The following PI4KA variants were observed in gnomAD, a reference collection of about 807,000 sequenced individuals.
PI4KA encodes phosphatidylinositol 4-kinase alpha.
PI4KA carries 122 observed loss-of-function variants against 271.4 expected under a neutral mutation model. That is an observed-to-expected ratio of 0.45 (90% CI 0.39 to 0.52). PI4KA has a LOEUF of 0.52. Ranked by LOEUF, PI4KA falls within the 20% of genes least tolerant of loss-of-function variation. PI4KA has a pLI of 0.00. For synonymous variants in PI4KA, 1,041 were observed against 1,078.8 expected, an observed-to-expected ratio of 0.96 and a Z score of 0.69; for missense variants, 1,969 against 2,769.1, an observed-to-expected ratio of 0.71 and a Z score of 6.48.
intron 32 of PI4KA, among the ~76,000 whole-genome samples, chr22:20,740,828 C>G (rs1257335651): frequency 6.6e-6 from 1 of 152,066 alleles, no homozygotes; most frequent in Non-Finnish European, 1.5e-5. Context: ...AACAATAAAA[C>G]AAAAAACTAT....
At chr22:20,758,730 C>A (rs188602363) in intron 23 of PI4KA, among the ~76,000 whole-genome samples, 18 of 152,084 alleles carry the variant, frequency 1.2e-4, no homozygotes, top group African/African-American at 3.9e-4. Context: ...GTGTGAGACT[C>A]TCTGAATGTG....
intron 9 of PI4KA, among the ~76,000 whole-genome samples, chr22:20,808,398 C>T (rs1935791258): frequency 6.6e-6 from 1 of 151,232 alleles, no homozygotes; most frequent in South Asian, 2.1e-4. Context: ...TCAAGACCAG[C>T]CTGTCCAACA....
intron 32 of PI4KA, among the ~76,000 whole-genome samples, chr22:20,738,852 AC>A (rs1201263944): frequency 6.6e-6 from 1 of 152,080 alleles, no homozygotes; most frequent in South Asian, 2.1e-4. Context: ...AGCAGGAAGA[AC>A]CCATACTTCC....
At chr22:20,850,253 C>G (rs886343226) in intron 1 of PI4KA, among the ~76,000 whole-genome samples, 4 of 151,874 alleles carry the variant, frequency 2.6e-5, no homozygotes, top group African/African-American at 9.7e-5. Context: ...TCTAAACACT[C>G]AAGCCAGGCA....
intron 1 of PI4KA, among the ~76,000 whole-genome samples, chr22:20,843,276 G>A (rs1017736167): frequency 1.3e-5 from 2 of 152,156 alleles, no homozygotes; most frequent in Non-Finnish European, 2.9e-5. Flanking sequence ...GGCTGCTTGA[G>A]CCCAGGAGTT....
At position 20,845,958 on chromosome 22, in the gene PI4KA, G is replaced by T. The variant is rs150954254; in HGVS notation, c.157-7227C>A. ...AATTCAGCAAGGTTACAGGACACAA[G>T]ATTAAGATACGAAAATCAGCCGGGC... On this transcript the variant is annotated intron_variant, in intron 1 of 54. Transcript: ENST00000255882. 4.4e-3 allele frequency among the ~76,000 whole-genome samples: 667 copies of T among 152,256 alleles called. 4 individuals are homozygous for T. Among genetic ancestry groups the T allele is most frequent in the Middle Eastern group, 6.8e-3 (2 of 294 alleles).
intron 23 of PI4KA, among the ~76,000 whole-genome samples, 166 bp downstream of exon 23, chr22:20,761,138 C>G (rs557766963): frequency 6.6e-6 from 1 of 152,176 alleles, no homozygotes; most frequent in Non-Finnish European, 1.5e-5. Flanking sequence ...GCAGTAGAAC[C>G]ATTAAGGCGT....
chr22:20,726,512 A>G lies in PI4KA; in HGVS notation c.4971T>C (p.Ile1657=). ...CCTTGTCGTACCTGAGGGCCTGCAC[A>G]ATCTGGGGGATGTAGAAGAGGATGG... ...PDAILFYIPQ[I]VQALRYDKMG... The change falls in exon 42 of 55, where the codon ATT becomes ATC. Residue 1657 remains isoleucine, a synonymous_variant. Transcript: ENST00000255882. The G allele has an allele frequency of 1.3e-6, 2 of 1,578,694 alleles. No individual in the cohort carries two copies. Among genetic ancestry groups the G allele is most frequent in the Non-Finnish European group, 1.7e-6 (2 of 1,166,742 alleles).
chr22:20,709,769 C>T lies in PI4KA; in HGVS notation c.6173+139G>A, dbSNP rs28718601. The T allele has an allele frequency of 0.07, 29,320 of 417,084 alleles. 7,178 individuals are homozygous for T. The highest frequency in any genetic ancestry group is 0.14 in the Admixed American group (3,458 of 24,624). The allele number at this position is 417,084 out of a possible 1,614,324, so 25.8% of individuals were successfully genotyped here. A position where few individuals can be genotyped will look rare whatever the true frequency, so the allele number is the denominator to read the frequency against. On this transcript the variant is annotated intron_variant, in intron 53 of 54. Transcript: ENST00000255882. ...TGTGGTCTAGGGGCAGAGCCTCACC[C>T]AAGAACCCTGTCTGCTCTGAGGTTC...
chr22:20,714,601 G>A, intron 46 of PI4KA, 27 bp downstream of exon 46: 1 of 1,613,784 alleles, frequency 6.2e-7, no homozygotes, highest in Non-Finnish European at 8.5e-7. Context: ...GCGTGGAAGT[G>A]GGGGATGGGT....
At chr22:20,802,476 C>A (rs760319733) in intron 13 of PI4KA, among the ~76,000 whole-genome samples, 1 of 152,142 alleles carries the variant, frequency 6.6e-6, no homozygotes, top group Non-Finnish European at 1.5e-5. Flanking sequence ...GGGATGCTTG[C>A]GGGAGCAGGG....
At chr22:20,766,232 A>C (rs768090836) in intron 19 of PI4KA, among the ~76,000 whole-genome samples, 2 of 152,010 alleles carry the variant, frequency 1.3e-5, no homozygotes, top group Non-Finnish European at 2.9e-5. Context: ...CAAATTTTCC[A>C]AACAGTAATC....
At chr22:20,788,686 C>A in intron 19 of PI4KA, among the ~76,000 whole-genome samples, 1 of 152,190 alleles carries the variant, frequency 6.6e-6, no homozygotes, top group East Asian at 1.9e-4. Flanking sequence ...CCTGGTGAAC[C>A]CTGATGCTGC....
intron 1 of PI4KA, among the ~76,000 whole-genome samples, chr22:20,853,572 A>G (rs1259638569): frequency 6.6e-6 from 1 of 152,092 alleles, no homozygotes; most frequent in African/African-American, 2.4e-5. Context: ...AGGGCTGAGG[A>G]CTGGGTAGGA....
At chr22:20,853,864 C>T (rs1042562396) in intron 1 of PI4KA, among the ~76,000 whole-genome samples, 1 of 151,502 alleles carries the variant, frequency 6.6e-6, no homozygotes, top group Non-Finnish European at 1.5e-5. Flanking sequence ...CCCTTAAGCC[C>T]TGGAATTTGA....
chr22:20,779,869 T>C (rs1414484672), intron 19 of PI4KA: 1 of 1,614,226 alleles, frequency 6.2e-7, no homozygotes, highest in Non-Finnish European at 8.5e-7. Context: ...TTTAAAGACT[T>C]TGTTAATGCC....
intron 14 of PI4KA, among the ~76,000 whole-genome samples, chr22:20,800,860 C>T (rs1209544898): frequency 1.4e-5 from 2 of 141,928 alleles, no homozygotes; most frequent in East Asian, 4.2e-4. Flanking sequence ...GGCGACAAAG[C>T]AAGACTCTGT....
chr22:20,822,678 A>G (rs1014725530), intron 4 of PI4KA, among the ~76,000 whole-genome samples: 2 of 152,198 alleles, frequency 1.3e-5, no homozygotes, highest in African/African-American at 4.8e-5. Context: ...TTTGGCCCTC[A>G]GCCCATATAA....
At chr22:20,854,514 C>T (rs1207997109) in intron 1 of PI4KA, among the ~76,000 whole-genome samples, 1 of 151,922 alleles carries the variant, frequency 6.6e-6, no homozygotes, top group Non-Finnish European at 1.5e-5. Context: ...AGTAAGTAAA[C>T]ACAACTGTGG....
Sources: allele counts gnomAD v4.1 joint callset (sites outside exome capture counted in the v4.1 genomes callset), GRCh38; gene constraint gnomAD v4.1.1; transcripts MANE v1.5; gene names NCBI Gene and HGNC (gene_info 2026-07-23, HGNC 2026-07-21).